The following BRAP variants were observed in gnomAD, a reference collection of about 807,000 sequenced individuals.
BRAP encodes BRCA1 associated protein, also known as BRCA1-associated protein.
In BRAP, 42 loss-of-function variants were observed where a neutral mutation model predicts 73.4. The ratio of observed to expected loss-of-function variants is 0.57; its 90% CI spans 0.45 to 0.74. BRAP has a LOEUF of 0.74. BRAP is among the 30% of genes least tolerant of loss of function. BRAP has a pLI of 0.00. For missense variants in BRAP, 593 were observed against 751.4 expected (o/e 0.79, Z 2.46); for synonymous variants, 255 against 267.4 (o/e 0.95, Z 0.45).
At chr12:111,645,504 T>C (rs984452563) in intron 11 of BRAP, among the ~76,000 whole-genome samples, 1 of 152,158 alleles carries the variant, frequency 6.6e-6, no homozygotes, top group African/African-American at 2.4e-5. Flanking sequence ...TTCGAGATGA[T>C]AGCTGTGATA....
At chr12:111,646,362 A>G (rs1339497398) in intron 11 of BRAP, among the ~76,000 whole-genome samples, 1 of 152,212 alleles carries the variant, frequency 6.6e-6, no homozygotes, top group Non-Finnish European at 1.5e-5. Flanking sequence ...TTGAGATACT[A>G]TTTTTATGCA....
At chr12:111,681,121 G>C (rs1289046864) in intron 3 of BRAP, among the ~76,000 whole-genome samples, 2 of 152,094 alleles carry the variant, frequency 1.3e-5, no homozygotes, top group African/African-American at 4.8e-5. Context: ...TGTAATCCCA[G>C]CACTTTGGGA....
At position 111,674,337 on chromosome 12, in the gene BRAP, G is replaced by A. The variant is rs555679153; in HGVS notation, c.634-1563C>T. Among the ~76,000 whole-genome samples the A allele has an allele frequency of 2.0e-5, 3 of 152,204 alleles. No individual in the cohort carries two copies. The South Asian group carries it at 6.2e-4, about 32-fold the overall frequency. Reference sequence around the variant, plus strand: ...AGCTCACTGCAACCTCTGCCTCCCAGGTTCAAGCAATTCTCCTGTCTCAGT... The same window carrying A: ...AGCTCACTGCAACCTCTGCCTCCCAAGTTCAAGCAATTCTCCTGTCTCAGT... On this transcript the variant is annotated intron_variant, in intron 4 of 11. Transcript: ENST00000419234.
chr12:111,644,261 C>A lies in BRAP; in HGVS notation c.1717G>T (p.Ala573Ser). The change falls in exon 12 of 12, where the codon GCC becomes TCC. Residue 573 changes from alanine to serine, a missense_variant. By Grantham distance (99) the Ala-to-Ser change is moderately conservative. Around this residue, in one of 4 missense-constraint regions of BRAP, gnomAD observed 79 missense variants for 65.3 expected, o/e 1.21. Coordinates refer to ENST00000419234, the MANE Select transcript of BRAP (RefSeq NM_006768.5). ...AACTTCCCACTGCCCCCCGAAGAGG[C>A]AGGGCTCGAGGCCGAGGCCATGGCG... is the stretch of plus-strand genomic sequence containing the variant. ...NIAMASASSP[A>S]SSGGSGKLPS... 1.2e-6 allele frequency: 2 copies of A among 1,614,054 alleles called. No homozygotes were observed. The highest frequency in any genetic ancestry group is 8.5e-7 in the Non-Finnish European group (1 of 1,180,036).
rs1474421781 is a variant in BRAP, at chr12:111,683,138, A to G, written c.244+8T>C. On this transcript the variant is annotated splice_region_variant and intron_variant, in intron 2 of 11. Coordinates refer to ENST00000419234, the MANE Select transcript of BRAP (RefSeq NM_006768.5). ...ACAAAAGAGAGTCCAGGGTTTTAGA[A>G]AGCATACCTGGGTTGGACTTCATGG... is the stretch of plus-strand genomic sequence containing the variant. 2.5e-6 allele frequency: 4 copies of G among 1,611,274 alleles called. No individual in the cohort carries two copies. The highest frequency in any genetic ancestry group is 2.2e-5 in the East Asian group (1 of 44,886).
intron 1 of BRAP, among the ~76,000 whole-genome samples, chr12:111,685,365 G>C (rs58580157): frequency 0.015 from 2,327 of 152,314 alleles, 70 homozygotes; most frequent in African/African-American, 0.053. Flanking sequence ...TTAACCCAGG[G>C]ACCGTCCAGC....
At position 111,643,950 on chromosome 12, in the gene BRAP, A is replaced by T. The variant is rs1266212259; in HGVS notation, c.*249T>A. The T allele has an allele frequency of 1.6e-5, 8 of 509,332 alleles. No homozygotes were observed. The highest frequency in any genetic ancestry group is 2.7e-5 in the Non-Finnish European group (8 of 299,872). 31.6% of individuals were successfully genotyped at this position (509,332 alleles called of 1,614,324 possible). A position where few individuals can be genotyped will look rare whatever the true frequency, so the allele number is the denominator to read the frequency against. The stretch of plus-strand genomic sequence containing the variant: ...GGGGCTTCTACCAAGCAGGAAGGCA[A>T]AATGGTCATTAGAATGTGAGGTTAG... On this transcript the variant is annotated 3_prime_UTR_variant, in exon 12 of 12. Transcript: ENST00000419234.
chr12:111,659,808 G>C (rs1372366806), intron 7 of BRAP, among the ~76,000 whole-genome samples: 1 of 152,138 alleles, frequency 6.6e-6, no homozygotes, highest in Non-Finnish European at 1.5e-5. Context: ...CTTGAGCCTA[G>C]GAGTTTAAGA....
intron 11 of BRAP, among the ~76,000 whole-genome samples, chr12:111,645,714 T>C (rs1886087507): frequency 6.6e-6 from 1 of 152,126 alleles, no homozygotes; most frequent in Admixed American, 6.6e-5. Context: ...CATTGGCTCA[T>C]GCTTGGAATC....
chr12:111,651,829 G>A (rs1886337703), intron 10 of BRAP, among the ~76,000 whole-genome samples: 1 of 151,514 alleles, frequency 6.6e-6, no homozygotes. Flanking sequence ...GTAGATACGA[G>A]GTTTCACCAT....
intron 6 of BRAP, among the ~76,000 whole-genome samples, chr12:111,664,764 C>G (rs1468443311): frequency 6.6e-6 from 1 of 152,196 alleles, no homozygotes; most frequent in South Asian, 2.1e-4. Context: ...CCCCTCCTCA[C>G]TTCTGTGCTT....
intron 9 of BRAP, among the ~76,000 whole-genome samples, chr12:111,656,432 G>T (rs188170883): frequency 2.0e-5 from 3 of 152,332 alleles, no homozygotes; most frequent in African/African-American, 2.4e-5. Flanking sequence ...TGAGGCTGTT[G>T]TAACACTAAT....
chr12:111,651,409 G>A, intron 10 of BRAP, among the ~76,000 whole-genome samples: 1 of 151,604 alleles, frequency 6.6e-6, no homozygotes, highest in Non-Finnish European at 1.5e-5. Flanking sequence ...ACAGTGGCAG[G>A]CGCCTGTAAT....
chr12:111,675,076 C>T lies in BRAP; in HGVS notation c.634-2302G>A, dbSNP rs147328387. On this transcript the variant is annotated intron_variant, in intron 4 of 11. Transcript: ENST00000419234. ...AGGAGTTTGAGACCAGCCTGGGCAA[C>T]GTGGCGAAACCCCATCTGTACAAAA... Among the ~76,000 whole-genome samples the T allele has an allele frequency of 5.3e-3, 811 of 152,152 alleles. 4 individuals carry two copies. The highest frequency in any genetic ancestry group is 7.3e-3 in the Non-Finnish European group (496 of 68,006).
rs777810201 is a variant in BRAP at position 111,642,511 on chromosome 12, G to A, written c.*1688C>T. The A allele has an allele frequency of 2.6e-5, 4 of 152,118 alleles. No individual in the cohort carries two copies. Among genetic ancestry groups the A allele is most frequent in the East Asian group, 1.9e-4 (1 of 5,204 alleles). The allele number at this position is 152,118 out of a possible 1,614,324, so 9.4% of individuals were successfully genotyped here. A position where few individuals can be genotyped will look rare whatever the true frequency, so the allele number is the denominator to read the frequency against. On this transcript the variant is annotated 3_prime_UTR_variant, in exon 12 of 12. Transcript: ENST00000419234. The stretch of plus-strand genomic sequence containing the variant: ...GATCACAGAGAAATGAGGAGTGAGC[G>A]AGCTTTGTAAACTACTTCTAATTCT...
chr12:111,678,177 A>G (rs904087678), intron 4 of BRAP, among the ~76,000 whole-genome samples: 4 of 141,216 alleles, frequency 2.8e-5, no homozygotes, highest in African/African-American at 1.0e-4. Flanking sequence ...TGAACCCAGG[A>G]GGTGGAGGTT....
At chr12:111,650,723 T>C (rs1217826338) in intron 10 of BRAP, among the ~76,000 whole-genome samples, 2 of 152,174 alleles carry the variant, frequency 1.3e-5, no homozygotes, top group East Asian at 1.9e-4. Context: ...GAGACAAACA[T>C]TGGTAATCTA....
chr12:111,658,587 G>C (rs895680084), intron 9 of BRAP, 149 bp downstream of exon 9: 1 of 558,556 alleles, frequency 1.8e-6, no homozygotes, highest in Non-Finnish European at 3.0e-6. Flanking sequence ...GCCTCCCAAA[G>C]TGTTGGGATT....
chr12:111,669,068 T>G (rs1234454785), intron 5 of BRAP, among the ~76,000 whole-genome samples: 1 of 152,158 alleles, frequency 6.6e-6, no homozygotes, highest in East Asian at 1.9e-4. Context: ...GCATTTTAAT[T>G]TTATCTAAAT....
Sources: gnomAD v4.1 joint callset for allele counts (sites outside exome capture counted in the v4.1 genomes callset) on GRCh38, gnomAD v4.1.1 for gene constraint, gnomAD v4.1.1 regional missense constraint, MANE v1.5 for transcripts, NCBI Gene and HGNC (gene_info 2026-07-23, HGNC 2026-07-21) for gene names.